The following FOXN3 variants were observed in gnomAD, a reference collection of about 807,000 sequenced individuals.
FOXN3 encodes the protein forkhead box protein N3.
In FOXN3, 7 loss-of-function variants were observed where a neutral mutation model predicts 38.4. The ratio of observed to expected loss-of-function variants is 0.18; its 90% CI spans 0.10 to 0.34. The LOEUF is 0.34. Among genes scored for constraint, FOXN3 ranks in the 10% least tolerant of loss-of-function variants. The pLI is 1.00. For missense variants in FOXN3, 456 were observed against 613.4 expected, an observed-to-expected ratio of 0.74 and a Z score of 2.71; for synonymous variants, 230 against 242.2, an observed-to-expected ratio of 0.95 and a Z score of 0.47.
intron 1 of FOXN3, chr14:89,618,888 G>C (rs1896543592): frequency 6.6e-6 from 1 of 151,888 alleles, no homozygotes; most frequent in Non-Finnish European, 1.5e-5. Context: ...TCTGAAACCA[G>C]GTGGAAATAG....
intron 3 of FOXN3, among the ~76,000 whole-genome samples, chr14:89,311,872 T>C (rs970857875): frequency 2.0e-5 from 3 of 152,038 alleles, no homozygotes; most frequent in Non-Finnish European, 2.9e-5. Flanking sequence ...CACCTACCTC[T>C]GTGAAATCTA....
chr14:89,290,324 C>T, intron 3 of FOXN3: 2 of 360,916 alleles, frequency 5.5e-6, no homozygotes, highest in Non-Finnish European at 1.1e-5. Context: ...CACAATCTCA[C>T]AGTCTAATGC....
At chr14:89,268,439 T>C (rs1886048539) in intron 4 of FOXN3, among the ~76,000 whole-genome samples, 1 of 152,218 alleles carries the variant, frequency 6.6e-6, no homozygotes, top group African/African-American at 2.4e-5. Flanking sequence ...ATACTTAGTT[T>C]AACTAACACT....
chr14:89,487,408 T>C (rs1014242656), intron 1 of FOXN3, among the ~76,000 whole-genome samples: 1 of 152,196 alleles, frequency 6.6e-6, no homozygotes, highest in South Asian at 2.1e-4. Context: ...GGTCTTGGAA[T>C]AGCAGCATCA....
At chr14:89,499,483 C>T (rs1893752647) in intron 1 of FOXN3, among the ~76,000 whole-genome samples, 2 of 149,446 alleles carry the variant, frequency 1.3e-5, no homozygotes, top group African/African-American at 2.5e-5. Flanking sequence ...TTTTTTTTGC[C>T]GTGTCTTTGG....
intron 2 of FOXN3, among the ~76,000 whole-genome samples, chr14:89,408,048 C>T (rs769921575): frequency 6.6e-5 from 10 of 152,068 alleles, no homozygotes; most frequent in Non-Finnish European, 1.3e-4. Flanking sequence ...AGAGATAAAA[C>T]GAAAGCCAAG....
intron 1 of FOXN3, among the ~76,000 whole-genome samples, chr14:89,464,981 C>T (rs750553591): frequency 3.3e-5 from 5 of 152,134 alleles, no homozygotes; most frequent in Non-Finnish European, 5.9e-5. Flanking sequence ...CAGGCGTGAG[C>T]CACCGCACCT....
intron 3 of FOXN3, among the ~76,000 whole-genome samples, chr14:89,311,695 A>G (rs1464337017): frequency 2.6e-5 from 4 of 151,118 alleles, no homozygotes; most frequent in African/African-American, 9.7e-5. Flanking sequence ...GCATGGTGGC[A>G]CTTGCCTGTA....
intron 1 of FOXN3, among the ~76,000 whole-genome samples, chr14:89,603,242 A>G (rs1896195183): frequency 6.6e-6 from 1 of 152,210 alleles, no homozygotes; most frequent in African/African-American, 2.4e-5. Flanking sequence ...CCTTGGAGCC[A>G]TGGGTTGAAA....
At chr14:89,597,900 T>C (rs916081810) in intron 1 of FOXN3, among the ~76,000 whole-genome samples, 3 of 152,162 alleles carry the variant, frequency 2.0e-5, no homozygotes, top group Non-Finnish European at 2.9e-5. Context: ...ATTTAGTCTA[T>C]TTATATTTAA....
At chr14:89,458,966 AG>A (rs1280675995) in intron 1 of FOXN3, among the ~76,000 whole-genome samples, 1 of 152,238 alleles carries the variant, frequency 6.6e-6, no homozygotes, top group African/African-American at 2.4e-5. Context: ...CTCTCCAAAC[AG>A]ACTAGAAAAA....
At chr14:89,319,623 G>C (rs964385144) in intron 3 of FOXN3, among the ~76,000 whole-genome samples, 1 of 152,036 alleles carries the variant, frequency 6.6e-6, no homozygotes, top group Non-Finnish European at 1.5e-5. Flanking sequence ...GAACCCTCCT[G>C]AAATCCAAAT....
intron 4 of FOXN3, among the ~76,000 whole-genome samples, chr14:89,202,695 C>G (rs1281324087): frequency 6.6e-6 from 1 of 152,126 alleles, no homozygotes; most frequent in Non-Finnish European, 1.5e-5. Flanking sequence ...AGCCTGGCAC[C>G]TCCCTCCCTT....
Position 89,354,486 on chromosome 14 carries a change from C to T in FOXN3, c.544-3678G>A, listed in dbSNP as rs1056087889. The stretch of plus-strand genomic sequence containing the variant: ...AGTGATCCGCCCACCTTGGCCTCCC[C>T]AAAGTGCTGGGATTACAGGCGTGAG... On this transcript the variant is annotated intron_variant, in intron 2 of 5. Transcript: ENST00000557258. Among the ~76,000 whole-genome samples the T allele has an allele frequency of 6.7e-5, 10 of 149,262 alleles. No homozygotes were observed. In the South Asian group the frequency reaches 1.7e-3, roughly 25 times the overall value.
intron 4 of FOXN3, among the ~76,000 whole-genome samples, chr14:89,223,749 GC>G (rs1478329871): frequency 1.6e-4 from 24 of 152,298 alleles, no homozygotes; most frequent in African/African-American, 5.8e-4. Flanking sequence ...AGGGGGAGAG[GC>G]GTCCTCATGG....
intron 4 of FOXN3, among the ~76,000 whole-genome samples, chr14:89,197,605 G>C (rs547967920): frequency 1.2e-3 from 180 of 152,278 alleles, no homozygotes; most frequent in African/African-American, 4.0e-3. Context: ...TGGATAGTTA[G>C]TGAACAAGTA....
chr14:89,611,586 C>T (rs1896390041), intron 1 of FOXN3, among the ~76,000 whole-genome samples: 1 of 152,092 alleles, frequency 6.6e-6, no homozygotes, highest in South Asian at 2.1e-4. Context: ...GCGGGCGGAT[C>T]ACAAGGTCAG....
chr14:89,437,413 A>G (rs1892295441), intron 1 of FOXN3, among the ~76,000 whole-genome samples: 1 of 151,984 alleles, frequency 6.6e-6, no homozygotes, highest in East Asian at 1.9e-4. Flanking sequence ...AAATATCTCA[A>G]CCTTACATCC....
At chr14:89,179,233 T>C (rs1887601937) in intron 5 of FOXN3, among the ~76,000 whole-genome samples, 1 of 152,222 alleles carries the variant, frequency 6.6e-6, no homozygotes, top group African/African-American at 2.4e-5. Context: ...AATTTGTTGC[T>C]ATTCTAATTG....
Sources: gnomAD v4.1 joint callset for allele counts (sites outside exome capture counted in the v4.1 genomes callset) on GRCh38, gnomAD v4.1.1 for gene constraint, MANE v1.5 for transcripts, NCBI Gene and HGNC (gene_info 2026-07-23, HGNC 2026-07-21) for gene names.